Variants in SLIT1 observed in about 807,000 individuals in gnomAD.
The protein encoded by SLIT1 is slit guidance ligand 1, also known as slit homolog 1 protein.
A neutral mutation model predicts 186.1 loss-of-function variants in SLIT1; 66 were observed. The ratio of observed to expected loss-of-function variants is 0.35; its 90% CI spans 0.29 to 0.44. The LOEUF (loss-of-function observed/expected upper bound fraction) is 0.44. Among genes scored for constraint, SLIT1 ranks in the 20% least tolerant of loss-of-function variants. The pLI is 1.00. For missense variants in SLIT1, 1,638 were observed against 2,037.4 expected (o/e 0.80, Z 3.77); for synonymous variants, 761 against 833.8 (o/e 0.91, Z 1.50).
intron 4 of SLIT1, among the ~76,000 whole-genome samples, chr10:97,107,822 C>G (rs973030460): frequency 3.3e-5 from 5 of 152,038 alleles, no homozygotes; most frequent in Non-Finnish European, 5.9e-5. Flanking sequence ...CAAGCAGGAG[C>G]CGGGCTGGGG....
chr10:97,060,667 G>C lies in SLIT1; in HGVS notation c.914C>G (p.Ala305Gly). The change falls in exon 9 of 37, where the codon GCC becomes GGC. Residue 305 changes from alanine to glycine, a missense_variant. Coordinates refer to ENST00000266058, the MANE Select transcript of SLIT1 (RefSeq NM_003061.3). ...CRGKGLTAIP[A>G]NLPETMTEIR... Reference sequence around the variant, plus strand: ...CTCCGTCATGGTCTCGGGCAGGTTGGCCGGGATGGCAGTGAGGCCTTTTCC... The same window carrying C: ...CTCCGTCATGGTCTCGGGCAGGTTGCCCGGGATGGCAGTGAGGCCTTTTCC... 1 of 1,613,326 alleles carries C rather than the reference G, an allele frequency of 6.2e-7. No individual in the cohort carries two copies.
rs147453239 is a variant in SLIT1, at chr10:97,152,074, C to T, written c.413+5744G>A. On this transcript the variant is annotated intron_variant, in intron 4 of 36. Transcript: ENST00000266058. ...AATGCCTCCAGGGCAGCATCACCTA[C>T]TTGCTCCATGTTTGCTCTCCCTGGC... Among the ~76,000 whole-genome samples, 791 of 152,290 alleles carry T rather than the reference C, an allele frequency of 5.2e-3. 3 individuals are homozygous for T. Among genetic ancestry groups the T allele is most frequent in the Non-Finnish European group, 5.1e-3 (345 of 68,016 alleles).
intron 4 of SLIT1, among the ~76,000 whole-genome samples, chr10:97,088,886 C>A (rs1481117898): frequency 6.6e-6 from 1 of 152,120 alleles, no homozygotes; most frequent in African/African-American, 2.4e-5. Context: ...CTCCCCTCAT[C>A]CTCATGAGCT....
intron 4 of SLIT1, among the ~76,000 whole-genome samples, chr10:97,152,114 G>A (rs955356703): frequency 5.3e-5 from 8 of 152,132 alleles, no homozygotes; most frequent in African/African-American, 1.9e-4. Context: ...TCAGGAAAGT[G>A]CCCAAGAGGA....
chr10:97,131,475 C>T (rs575072802), intron 4 of SLIT1, among the ~76,000 whole-genome samples: 3 of 152,244 alleles, frequency 2.0e-5, no homozygotes, highest in Non-Finnish European at 2.9e-5. Context: ...CTCTGCCAGC[C>T]ATGCTGGGTA....
chr10:97,077,142 C>T (rs925470706), intron 4 of SLIT1, among the ~76,000 whole-genome samples: 43 of 152,150 alleles, frequency 2.8e-4, no homozygotes, highest in African/African-American at 9.9e-4. Flanking sequence ...GTGATGTCTG[C>T]CTGTAGTCCT....
intron 4 of SLIT1, among the ~76,000 whole-genome samples, chr10:97,140,720 G>A (rs1849749519): frequency 6.6e-6 from 1 of 152,196 alleles, no homozygotes; most frequent in African/African-American, 2.4e-5. Flanking sequence ...GGCTGGGTGG[G>A]GGCAGCCCAG....
At chr10:97,128,105 C>A (rs894413717) in intron 4 of SLIT1, among the ~76,000 whole-genome samples, 2 of 152,026 alleles carry the variant, frequency 1.3e-5, no homozygotes, top group Non-Finnish European at 2.9e-5. Context: ...GCCTTCTTCC[C>A]GCCCTTCCTC....
intron 1 of SLIT1, among the ~76,000 whole-genome samples, chr10:97,181,090 T>C (rs1850331086): frequency 6.6e-6 from 1 of 152,106 alleles, no homozygotes; most frequent in Admixed American, 6.5e-5. Context: ...ATGGGGAAAC[T>C]GGGTCTCAGA....
intron 25 of SLIT1, among the ~76,000 whole-genome samples, chr10:97,029,187 A>T (rs1250278134): frequency 1.3e-5 from 2 of 152,372 alleles, no homozygotes; most frequent in Non-Finnish European, 2.9e-5. Context: ...TATCTCCTGA[A>T]GTCTAAGATT....
At chr10:97,099,459 G>A (rs895527334) in intron 4 of SLIT1, among the ~76,000 whole-genome samples, 1 of 152,078 alleles carries the variant, frequency 6.6e-6, no homozygotes, top group African/African-American at 2.4e-5. Flanking sequence ...GGTTGGGGGG[G>A]TGGGGGACAG....
intron 1 of SLIT1, among the ~76,000 whole-genome samples, chr10:97,173,610 C>T (rs904402929): frequency 1.3e-5 from 2 of 150,484 alleles, no homozygotes; most frequent in African/African-American, 4.9e-5. Flanking sequence ...GTGGGGGTGA[C>T]GAGGATCTGA....
At chr10:97,103,010 A>G (rs1849375667) in intron 4 of SLIT1, 1 of 152,224 alleles carries the variant, frequency 6.6e-6, no homozygotes, top group Non-Finnish European at 1.5e-5. Context: ...GAATACTCTA[A>G]GGGAGGCAGA....
chr10:97,048,938 G>C lies in SLIT1; in HGVS notation c.1465+17C>G. ...AGGTAGGTGGACAGGTGGGCAGGTGGGCAGGCGGGCAGGTACCTGAGCACC... is the reference window on the plus strand; with the variant it reads ...AGGTAGGTGGACAGGTGGGCAGGTGCGCAGGCGGGCAGGTACCTGAGCACC... On this transcript the variant is annotated intron_variant, in intron 14 of 36. Coordinates refer to ENST00000266058, the MANE Select transcript of SLIT1 (RefSeq NM_003061.3). 6.2e-7 allele frequency: 1 copy of C among 1,602,334 alleles called. No homozygotes were observed. The highest frequency in any genetic ancestry group is 8.5e-7 in the Non-Finnish European group (1 of 1,179,440).
intron 4 of SLIT1, among the ~76,000 whole-genome samples, chr10:97,114,121 C>T (rs771975795): frequency 1.3e-5 from 2 of 152,188 alleles, no homozygotes; most frequent in African/African-American, 2.4e-5. Context: ...TGCCCAGCTT[C>T]TGACCACGTC....
In SLIT1 at chr10:97,171,480, C is replaced by A. The variant is rs960526944; in HGVS notation, c.198-6590G>T. Among the ~76,000 whole-genome samples the A allele has an allele frequency of 2.0e-5, 3 of 152,290 alleles. No individual in the cohort carries two copies. In the East Asian group the frequency reaches 5.8e-4, roughly 29 times the overall value. On this transcript the variant is annotated intron_variant, in intron 1 of 36. Coordinates refer to ENST00000266058, the MANE Select transcript of SLIT1 (RefSeq NM_003061.3). ...GCAAATCTGATCATGTTACTCCCCACTTAAAGCCTTCAATGGATTTCCATT... is the reference window on the plus strand; with the variant it reads ...GCAAATCTGATCATGTTACTCCCCAATTAAAGCCTTCAATGGATTTCCATT...
At chr10:97,011,178 CTGGG>C in intron 30 of SLIT1, 48 bp from the exon 31 acceptor site, 1 of 1,458,122 alleles carries the variant, frequency 6.9e-7, no homozygotes, top group South Asian at 1.1e-5. Flanking sequence ...CACACAGAGT[CTGGG>C]AGGCCAGGGG....
intron 16 of SLIT1, among the ~76,000 whole-genome samples, chr10:97,047,416 G>A (rs1468750894): frequency 2.0e-5 from 3 of 152,226 alleles, no homozygotes; most frequent in East Asian, 1.9e-4. Flanking sequence ...CAAACGCATC[G>A]TTGAGAAAAG....
chr10:97,113,857 A>G (rs1317587822), intron 4 of SLIT1, among the ~76,000 whole-genome samples: 1 of 152,128 alleles, frequency 6.6e-6, no homozygotes, highest in African/African-American at 2.4e-5. Context: ...CTCTTTTAAG[A>G]TTTTTAAGGT....
Sources: gnomAD v4.1 joint callset for allele counts (sites outside exome capture counted in the v4.1 genomes callset) on GRCh38, gnomAD v4.1.1 for gene constraint, MANE v1.5 for transcripts, NCBI Gene and HGNC (gene_info 2026-07-23, HGNC 2026-07-21) for gene names.